Variants in THUMPD3 observed in about 807,000 individuals in gnomAD.
THUMPD3 encodes THUMP domain 3 tRNA guanosine methyltransferase, also known as tRNA (guanine(6)-N(2))-methyltransferase THUMP3.
THUMPD3 carries 44 observed loss-of-function variants against 54.5 expected under a neutral mutation model. The observed-to-expected ratio is 0.81, with a 90% CI of 0.63 to 1.04. The LOEUF (loss-of-function observed/expected upper bound fraction) is 1.04, where lower values mean the gene tolerates loss of function less well. THUMPD3 is among the 50% of genes least tolerant of loss of function. THUMPD3 has a pLI of 0.00. For missense variants in THUMPD3, 604 were observed against 601.3 expected, an observed-to-expected ratio of 1.00 and a Z score of -0.05; for synonymous variants, 196 against 201.4, an observed-to-expected ratio of 0.97 and a Z score of 0.23.
rs2033298042 is a variant in THUMPD3, at chr3:9,385,926, G to A, written c.*1238G>A. 6.6e-6 allele frequency: 1 copy of A among 152,168 alleles called. No individual in the cohort carries two copies. Among genetic ancestry groups the A allele is most frequent in the African/African-American group, 2.4e-5 (1 of 41,444 alleles). 9.4% of individuals were successfully genotyped at this position (152,168 alleles called of 1,614,324 possible). On this transcript the variant is annotated 3_prime_UTR_variant, in exon 10 of 10. Coordinates refer to ENST00000452837, the MANE Select transcript of THUMPD3 (RefSeq NM_001114092.2). ...GTTTTGTGGAAAATGGTGCTTCCCT[G>A]GAACAAAGAGTAGTTGAGGTTTTTT... is the stretch of plus-strand genomic sequence containing the variant.
chr3:9,373,217 G>C (rs2125319248), intron 4 of THUMPD3, among the ~76,000 whole-genome samples: 1 of 152,334 alleles, frequency 6.6e-6, no homozygotes. Flanking sequence ...AGGAGGCTGG[G>C]TGTGGTGACA....
At chr3:9,374,175 C>T (rs1289052322) in intron 4 of THUMPD3, among the ~76,000 whole-genome samples, 5 of 151,914 alleles carry the variant, frequency 3.3e-5, no homozygotes, top group Admixed American at 2.6e-4. Flanking sequence ...TAGTTTTTTT[C>T]GTTCATTTTA....
In THUMPD3 at chr3:9,384,782, ACTCTTTAAAC is replaced by A. The variant is rs1435867110; in HGVS notation, c.*97_*106del. On this transcript the variant is annotated 3_prime_UTR_variant, in exon 10 of 10. Coordinates refer to ENST00000452837, the MANE Select transcript of THUMPD3 (RefSeq NM_001114092.2). ...AAGTATTAACAAAACTGCAGTCTGC[ACTCTTTAAAC>A]CTGTTTAAGGCTCTTCATCCTGGTT... 7.1e-7 allele frequency: 1 copy of A among 1,416,584 alleles called. No individual in the cohort carries two copies. Among genetic ancestry groups the A allele is most frequent in the Non-Finnish European group, 9.8e-7 (1 of 1,024,382 alleles). The allele number at this position is 1,416,584 out of a possible 1,614,324, so 87.8% of individuals were successfully genotyped here. A position where few individuals can be genotyped will look rare whatever the true frequency, so the allele number is the denominator to read the frequency against.
chr3:9,384,317 C>A lies in THUMPD3; in HGVS notation c.1341C>A (p.Asp447Glu), dbSNP rs1360033422. 7 of 1,613,946 alleles carry A rather than the reference C, an allele frequency of 4.3e-6. No individual in the cohort carries two copies. The highest frequency in any genetic ancestry group is 5.9e-6 in the Non-Finnish European group (7 of 1,179,992). The change falls in exon 9 of 10, where the codon GAC becomes GAA. Residue 447 changes from aspartate to glutamate, a missense_variant. Transcript: ENST00000452837. Reference sequence around the variant, plus strand: ...GCCGAGCTGTACTACTTACTCAAGACACAAAATGCTTTACCAAGGTGCTAT... The same window carrying A: ...GCCGAGCTGTACTACTTACTCAAGAAACAAAATGCTTTACCAAGGTGCTAT... ...TTGRAVLLTQDTKCFTKALSG... is the reference protein window; with the variant it reads ...TTGRAVLLTQETKCFTKALSG...
chr3:9,375,483 A>C (rs554212131), intron 5 of THUMPD3, among the ~76,000 whole-genome samples: 62 of 152,186 alleles, frequency 4.1e-4, no homozygotes, highest in African/African-American at 1.4e-3. Flanking sequence ...CCACTTGAAA[A>C]TGTTTATTTT....
intron 3 of THUMPD3, among the ~76,000 whole-genome samples, chr3:9,368,927 C>T (rs1032521999): frequency 4.6e-5 from 7 of 152,100 alleles, no homozygotes; most frequent in African/African-American, 7.2e-5. Flanking sequence ...TACTTTTCTG[C>T]GCTATGCTTT....
At chr3:9,382,869 G>C in intron 7 of THUMPD3, 1 of 188,888 alleles carries the variant, frequency 5.3e-6, no homozygotes, top group Non-Finnish European at 1.1e-5. Flanking sequence ...TGGGACTATA[G>C]GTGTGTGCCA....
At position 9,371,194 on chromosome 3, in the gene THUMPD3, A is replaced by G. The variant is rs770678214; in HGVS notation, c.465A>G (p.Lys155=). 6.2e-7 allele frequency: 1 copy of G among 1,610,560 alleles called. No homozygotes were observed. ...AAAAGATAAATCAGAATTCAAGTAA[A>G]GAGAAGATTAATAATGGACAAGAAG... The part of the protein sequence containing the change: ...KRKKINQNSS[K]EKINNGQEVK... Residue 155 remains lysine (K), a synonymous_variant, in exon 4 of 10, where the codon AAA becomes AAG. Transcript: ENST00000452837.
intron 4 of THUMPD3, 27 bp from the exon 5 acceptor site, chr3:9,374,489 A>G: frequency 6.2e-7 from 1 of 1,610,504 alleles, no homozygotes; most frequent in South Asian, 1.1e-5. Context: ...TCCTAAAACT[A>G]TTTTGTCTTG....
intron 5 of THUMPD3, 146 bp downstream of exon 5, chr3:9,374,792 T>G: frequency 5.4e-6 from 5 of 923,580 alleles, no homozygotes; most frequent in Non-Finnish European, 8.1e-6. Flanking sequence ...AATGATCTAT[T>G]TCTTTCCCTT....
rs551138149 is a variant in THUMPD3, at chr3:9,378,817, C to T, written c.1008+929C>T. Among the ~76,000 whole-genome samples, 148 of 152,316 alleles carry T rather than the reference C, an allele frequency of 9.7e-4. 2 individuals are homozygous for T. Among genetic ancestry groups the T allele is most frequent in the East Asian group, 3.9e-4 (2 of 5,184 alleles). On this transcript the variant is annotated intron_variant, in intron 6 of 9. Transcript: ENST00000452837. ...GCTTAAAGAGACTGCACAGTAAAAA[C>T]CCAGTCCTTCTTGTGGCCAAGAAGG...
chr3:9,384,387 T>C (rs762547255), intron 9 of THUMPD3, 52 bp downstream of exon 9: 4 of 1,597,446 alleles, frequency 2.5e-6, no homozygotes, highest in African/African-American at 1.3e-5. Flanking sequence ...TTGGGATCTT[T>C]TTGAGATTTG....
chr3:9,381,493 T>C (rs1411279480), intron 7 of THUMPD3, among the ~76,000 whole-genome samples: 2 of 152,162 alleles, frequency 1.3e-5, no homozygotes, highest in East Asian at 3.9e-4. Context: ...CTGATGCTGC[T>C]GGTCTATGTA....
intron 1 of THUMPD3, chr3:9,363,563 C>G (rs932223251): frequency 1.3e-5 from 2 of 152,054 alleles, no homozygotes; most frequent in African/African-American, 4.8e-5. Flanking sequence ...GAGTCACAGA[C>G]CTTTTGAAAA....
chr3:9,366,038 G>A (rs2031537584), intron 2 of THUMPD3, among the ~76,000 whole-genome samples: 1 of 152,110 alleles, frequency 6.6e-6, no homozygotes, highest in African/African-American at 2.4e-5. Context: ...AGGTGATCTA[G>A]TATTTCTTGA....
intron 2 of THUMPD3, among the ~76,000 whole-genome samples, chr3:9,366,127 T>C (rs2125307761): frequency 6.6e-6 from 1 of 152,310 alleles, no homozygotes; most frequent in Middle Eastern, 3.4e-3. Context: ...CTTCAGCATA[T>C]AGCAGATGTT....
At chr3:9,377,772 C>G (rs758718647) in intron 5 of THUMPD3, 47 bp from the exon 6 acceptor site, 1 of 1,495,832 alleles carries the variant, frequency 6.7e-7, no homozygotes, top group African/African-American at 1.4e-5. Flanking sequence ...GTATAGAAGC[C>G]TCAGCTTTTG....
chr3:9,383,803 TAA>T (rs2033110784), intron 8 of THUMPD3, among the ~76,000 whole-genome samples: 1 of 152,122 alleles, frequency 6.6e-6, no homozygotes, highest in East Asian at 1.9e-4. Context: ...TTTGTATTTT[TAA>T]AAGACAGGGT....
chr3:9,379,428 AT>A (rs771111900), intron 6 of THUMPD3, among the ~76,000 whole-genome samples: 10 of 152,204 alleles, frequency 6.6e-5, no homozygotes, highest in Admixed American at 1.3e-4. Flanking sequence ...GATGAGAAGT[AT>A]GTTACTGTTC....
Sources: allele counts gnomAD v4.1 joint callset (sites outside exome capture counted in the v4.1 genomes callset), GRCh38; gene constraint gnomAD v4.1.1; transcripts MANE v1.5; gene names NCBI Gene and HGNC (gene_info 2026-07-23, HGNC 2026-07-21).